SLC1A1: variants seen among roughly 807,000 people sequenced by gnomAD.
SLC1A1 encodes excitatory amino acid transporter 3.
A neutral mutation model predicts 53.3 loss-of-function variants in SLC1A1; 43 were observed. That is an observed-to-expected ratio of 0.81 (90% confidence interval 0.63 to 1.04). The LOEUF (loss-of-function observed/expected upper bound fraction) is 1.04, where lower values mean the gene tolerates loss of function less well. Ranked by LOEUF, SLC1A1 falls within the 50% of genes least tolerant of loss-of-function variation. The pLI is 0.00. For missense variants in SLC1A1, 748 were observed against 664.9 expected (o/e 1.12, Z -1.37); for synonymous variants, 307 against 243.2 (o/e 1.26, Z -2.44).
rs975856169 is a variant in SLC1A1 at position 4,530,687 on chromosome 9, C to T, written c.92-13880C>T. Among the ~76,000 whole-genome samples, 7 of 152,196 alleles carry T rather than the reference C, an allele frequency of 4.6e-5. No homozygotes were observed. In the South Asian group the frequency reaches 8.4e-4, roughly 18 times the overall value. ...CTGTTGATGGTGGAGTCACCCATGA[C>T]GGAAAACATTTTTATTGCTTTAATA... On this transcript the variant is annotated intron_variant, in intron 1 of 11. Transcript: ENST00000262352.
At chr9:4,576,184 C>T in intron 9 of SLC1A1, 61 bp downstream of exon 9, 1 of 1,545,724 alleles carries the variant, frequency 6.5e-7, no homozygotes, top group Non-Finnish European at 8.9e-7. Flanking sequence ...ACTCTCACCT[C>T]ACTTTACAAA....
intron 1 of SLC1A1, among the ~76,000 whole-genome samples, chr9:4,535,882 T>G (rs1216481993): frequency 1.2e-4 from 18 of 151,460 alleles, no homozygotes; most frequent in Admixed American, 1.2e-3. Flanking sequence ...TGGAAAGAAA[T>G]AATGCTACCT....
chr9:4,534,908 C>A (rs184390476), intron 1 of SLC1A1, among the ~76,000 whole-genome samples: 20 of 152,096 alleles, frequency 1.3e-4, no homozygotes, highest in African/African-American at 4.3e-4. Flanking sequence ...TCAACATATG[C>A]AAATCAATAA....
At chr9:4,518,666 T>G (rs1815951538) in intron 1 of SLC1A1, among the ~76,000 whole-genome samples, 1 of 152,094 alleles carries the variant, frequency 6.6e-6, no homozygotes, top group South Asian at 2.1e-4. Flanking sequence ...GTAGCTTCTT[T>G]CACATGGAGA....
At chr9:4,525,597 A>G (rs1467708600) in intron 1 of SLC1A1, among the ~76,000 whole-genome samples, 1 of 152,228 alleles carries the variant, frequency 6.6e-6, no homozygotes, top group Non-Finnish European at 1.5e-5. Context: ...GTTTAGAATA[A>G]CTAAAGAAAA....
intron 1 of SLC1A1, among the ~76,000 whole-genome samples, chr9:4,508,543 A>G (rs1466835081): frequency 6.6e-6 from 1 of 152,196 alleles, no homozygotes; most frequent in Non-Finnish European, 1.5e-5. Context: ...TGGGCACTTG[A>G]ATTGTCATGT....
chr9:4,530,799 T>C (rs1417368392), intron 1 of SLC1A1, among the ~76,000 whole-genome samples: 1 of 152,228 alleles, frequency 6.6e-6, no homozygotes, highest in East Asian at 1.9e-4. Context: ...TATTAATAAA[T>C]GCAAAAGTGT....
At chr9:4,540,759 C>A (rs559049197) in intron 1 of SLC1A1, among the ~76,000 whole-genome samples, 5 of 152,192 alleles carry the variant, frequency 3.3e-5, no homozygotes, top group African/African-American at 1.2e-4. Context: ...CCACCTGCAA[C>A]GGTGTCAGGG....
chr9:4,566,836 A>C (rs1819536282), intron 5 of SLC1A1, among the ~76,000 whole-genome samples: 1 of 152,070 alleles, frequency 6.6e-6, no homozygotes, highest in Non-Finnish European at 1.5e-5. Flanking sequence ...CCTCCTATTT[A>C]TCTATGTGCT....
At chr9:4,565,590 G>A (rs993803994) in intron 4 of SLC1A1, among the ~76,000 whole-genome samples, 1 of 152,152 alleles carries the variant, frequency 6.6e-6, no homozygotes, top group Non-Finnish European at 1.5e-5. Context: ...ATGATCATGA[G>A]AATAGCATGG....
chr9:4,569,292 C>CTT (rs1167638893), intron 6 of SLC1A1, among the ~76,000 whole-genome samples: 1 of 152,158 alleles, frequency 6.6e-6, no homozygotes, highest in African/African-American at 2.4e-5. Context: ...ATTATGCAAC[C>CTT]TTTATAAGTG....
At chr9:4,515,534 T>A (rs1821132895) in intron 1 of SLC1A1, among the ~76,000 whole-genome samples, 1 of 152,110 alleles carries the variant, frequency 6.6e-6, no homozygotes, top group Admixed American at 6.5e-5. Context: ...AAATGGAAGC[T>A]ATAAAAACAG....
chr9:4,558,083 T>C (rs532883848), intron 2 of SLC1A1, among the ~76,000 whole-genome samples: 1 of 152,316 alleles, frequency 6.6e-6, no homozygotes, highest in South Asian at 2.1e-4. Flanking sequence ...CTCATCATTA[T>C]TGACATTACT....
At chr9:4,526,128 A>T (rs1293843318) in intron 1 of SLC1A1, among the ~76,000 whole-genome samples, 1 of 152,142 alleles carries the variant, frequency 6.6e-6, no homozygotes, top group African/African-American at 2.4e-5. Context: ...CTACAACAAA[A>T]CAAAACAACA....
chr9:4,500,593 G>A (rs990967044), intron 1 of SLC1A1, among the ~76,000 whole-genome samples: 1 of 152,160 alleles, frequency 6.6e-6, no homozygotes, highest in Non-Finnish European at 1.5e-5. Flanking sequence ...TTACAGGTGT[G>A]AGCCACTGCA....
At chr9:4,581,075 C>G (rs1384918334) in intron 10 of SLC1A1, among the ~76,000 whole-genome samples, 4 of 152,158 alleles carry the variant, frequency 2.6e-5, no homozygotes, top group African/African-American at 7.2e-5. Context: ...AGTAGACATA[C>G]TGTCCCCATC....
chr9:4,516,305 A>G (rs953746871), intron 1 of SLC1A1, among the ~76,000 whole-genome samples: 1 of 152,158 alleles, frequency 6.6e-6, no homozygotes, highest in African/African-American at 2.4e-5. Flanking sequence ...ATTGCACTCC[A>G]GTGTGGTGAG....
At chr9:4,493,448 C>T (rs1383427803) in intron 1 of SLC1A1, among the ~76,000 whole-genome samples, 2 of 152,184 alleles carry the variant, frequency 1.3e-5, no homozygotes, top group South Asian at 2.1e-4. Flanking sequence ...ATAGTAAGAG[C>T]TTATTTTATA....
chr9:4,531,080 G>A (rs958305300), intron 1 of SLC1A1, among the ~76,000 whole-genome samples: 1 of 152,204 alleles, frequency 6.6e-6, no homozygotes, highest in Non-Finnish European at 1.5e-5. Context: ...TTGGGGTGGA[G>A]CCAAGATGGC....
Sources: allele counts gnomAD v4.1 joint callset (sites outside exome capture counted in the v4.1 genomes callset), GRCh38; gene constraint gnomAD v4.1.1; transcripts MANE v1.5; gene names NCBI Gene and HGNC (gene_info 2026-07-23, HGNC 2026-07-21).